The following BNC2 variants were observed in gnomAD, a reference collection of about 807,000 sequenced individuals.
The protein encoded by BNC2 is basonuclin zinc finger protein 2, also known as zinc finger protein basonuclin-2.
In BNC2, 20 loss-of-function variants were observed where a neutral mutation model predicts 76.3. The ratio of observed to expected loss-of-function variants is 0.26; its 90% CI spans 0.18 to 0.38. BNC2 has a LOEUF of 0.38. BNC2 is among the 10% of genes least tolerant of loss of function. The pLI, the probability that BNC2 is intolerant of heterozygous loss-of-function variation, is 1.00. For missense variants in BNC2, 1,382 were observed against 1,399.8 expected (o/e 0.99, Z 0.20); for synonymous variants, 582 against 514.8 (o/e 1.13, Z -1.77).
In BNC2 at chr9:16,674,424, C is replaced by T. The variant is rs545948847; in HGVS notation, c.330+53373G>A. On this transcript the variant is annotated intron_variant, in intron 3 of 6. Coordinates refer to ENST00000380672, the MANE Select transcript of BNC2 (RefSeq NM_017637.6). ...ATTAATGTCAGCACTCTTTTAAAACCCCTAAAAAAAATAACAATCTAAAGG... is the reference window on the plus strand; with the variant it reads ...ATTAATGTCAGCACTCTTTTAAAACTCCTAAAAAAAATAACAATCTAAAGG... Among the ~76,000 whole-genome samples the T allele has an allele frequency of 4.6e-5, 7 of 152,116 alleles. No individual in the cohort carries two copies. In the South Asian group the frequency reaches 8.3e-4, roughly 18 times the overall value.
intron 5 of BNC2, among the ~76,000 whole-genome samples, chr9:16,546,551 C>T (rs147628218): frequency 1.3e-5 from 2 of 152,192 alleles, no homozygotes; most frequent in Non-Finnish European, 2.9e-5. Context: ...TACAATAAAG[C>T]ATTAAGGATA....
chr9:16,851,317 G>A (rs562242559), intron 1 of BNC2, among the ~76,000 whole-genome samples: 2 of 152,016 alleles, frequency 1.3e-5, no homozygotes, highest in South Asian at 4.2e-4. Context: ...AGACCAGCCT[G>A]GGCAGCATAG....
intron 4 of BNC2, chr9:16,580,216 C>T (rs1379022891): frequency 7.5e-6 from 3 of 398,258 alleles, no homozygotes; most frequent in Non-Finnish European, 4.4e-6. Flanking sequence ...GTGCTGTCAT[C>T]CCACTGCCAA....
chr9:16,667,542 G>C (rs1028897550), intron 3 of BNC2, among the ~76,000 whole-genome samples: 4 of 152,212 alleles, frequency 2.6e-5, no homozygotes, highest in African/African-American at 9.6e-5. Flanking sequence ...TTATCAGAAA[G>C]TGAGGATTAT....
chr9:16,549,522 T>G (rs2132495010), intron 5 of BNC2, among the ~76,000 whole-genome samples: 1 of 152,334 alleles, frequency 6.6e-6, no homozygotes, highest in South Asian at 2.1e-4. Context: ...TCCACAGCCT[T>G]CGGACACACA....
intron 1 of BNC2, among the ~76,000 whole-genome samples, chr9:16,835,795 T>C (rs1312263400): frequency 6.6e-6 from 1 of 152,214 alleles, no homozygotes; most frequent in Non-Finnish European, 1.5e-5. Context: ...AAATATGAGG[T>C]TTAACTCTCT....
chr9:16,704,285 A>G (rs1823596810), intron 3 of BNC2, among the ~76,000 whole-genome samples: 1 of 152,200 alleles, frequency 6.6e-6, no homozygotes, highest in Admixed American at 6.5e-5. Flanking sequence ...AACAACTCCA[A>G]CAGTGAATGA....
intron 4 of BNC2, among the ~76,000 whole-genome samples, chr9:16,560,984 T>TCCCAGCACTTTGGGAGG (rs561516802): frequency 3.1e-4 from 47 of 149,574 alleles, no homozygotes; most frequent in African/African-American, 1.1e-3. Context: ...ATGCCTGTAA[T>TCCCAGCACTTTGGGAGG]CCCAGCACTT....
chr9:16,523,564 C>A (rs971862553), intron 5 of BNC2, among the ~76,000 whole-genome samples: 2 of 150,894 alleles, frequency 1.3e-5, no homozygotes, highest in South Asian at 2.1e-4. Flanking sequence ...TCTTGTTAAA[C>A]CCTCTTCAAA....
intron 1 of BNC2, among the ~76,000 whole-genome samples, chr9:16,760,047 A>G (rs983611567): frequency 7.2e-5 from 11 of 152,174 alleles, no homozygotes; most frequent in Non-Finnish European, 1.6e-4. Context: ...TTACGAGCTA[A>G]GTATTTTCTG....
chr9:16,643,173 G>T (rs1821534932), intron 3 of BNC2, among the ~76,000 whole-genome samples: 1 of 151,952 alleles, frequency 6.6e-6, no homozygotes. Flanking sequence ...GGGCATGGTG[G>T]TGCGTACCTA....
intron 5 of BNC2, among the ~76,000 whole-genome samples, chr9:16,532,033 T>C (rs904858337): frequency 1.3e-5 from 2 of 148,704 alleles, no homozygotes; most frequent in Non-Finnish European, 2.9e-5. Flanking sequence ...TTTTTAAAGA[T>C]TTAAGTTCTT....
At chr9:16,861,893 G>T (rs897737630) in intron 1 of BNC2, among the ~76,000 whole-genome samples, 2 of 152,168 alleles carry the variant, frequency 1.3e-5, no homozygotes, top group African/African-American at 4.8e-5. Context: ...GAAGGCTGAG[G>T]CAGGAGAATG....
intron 1 of BNC2, among the ~76,000 whole-genome samples, chr9:16,753,470 A>G (rs1182011236): frequency 6.6e-6 from 1 of 152,234 alleles, no homozygotes; most frequent in Non-Finnish European, 1.5e-5. Context: ...TGCCAACACT[A>G]CAATGTGATT....
intron 1 of BNC2, among the ~76,000 whole-genome samples, chr9:16,823,562 C>T (rs967579251): frequency 2.7e-5 from 4 of 150,816 alleles, no homozygotes; most frequent in Non-Finnish European, 5.9e-5. Context: ...GAGATCACAC[C>T]ACTGCACTCT....
At chr9:16,766,201 T>C (rs564099937) in intron 1 of BNC2, among the ~76,000 whole-genome samples, 104 of 152,338 alleles carry the variant, frequency 6.8e-4, no homozygotes, top group African/African-American at 2.4e-3. Context: ...CTGTCTCAAC[T>C]TTAATGTGCT....
At chr9:16,783,146 C>G (rs1193731868) in intron 1 of BNC2, among the ~76,000 whole-genome samples, 1 of 152,060 alleles carries the variant, frequency 6.6e-6, no homozygotes, top group Non-Finnish European at 1.5e-5. Flanking sequence ...TGCAAATAAA[C>G]AGAAGTAAGT....
At chr9:16,646,670 A>G (rs966110708) in intron 3 of BNC2, among the ~76,000 whole-genome samples, 3 of 152,202 alleles carry the variant, frequency 2.0e-5, no homozygotes, top group Admixed American at 2.0e-4. Context: ...CGATAGTTTA[A>G]TATGAGTATA....
At chr9:16,823,647 A>G (rs1191677972) in intron 1 of BNC2, among the ~76,000 whole-genome samples, 2 of 152,110 alleles carry the variant, frequency 1.3e-5, no homozygotes, top group East Asian at 3.9e-4. Flanking sequence ...AACTTAACAA[A>G]AACAATTTAA....
Sources: gnomAD v4.1 joint callset for allele counts (sites outside exome capture counted in the v4.1 genomes callset) on GRCh38, gnomAD v4.1.1 for gene constraint, MANE v1.5 for transcripts, NCBI Gene and HGNC (gene_info 2026-07-23, HGNC 2026-07-21) for gene names.